Variants in RNF152 observed in about 807,000 individuals in gnomAD.
RNF152 encodes the protein ring finger protein 152, also known as E3 ubiquitin-protein ligase RNF152.
A neutral mutation model predicts 12.7 loss-of-function variants in RNF152; 11 were observed. That is an observed-to-expected ratio of 0.86 (90% CI 0.54 to 1.43). RNF152 has a LOEUF of 1.43. RNF152 is among the 40% of genes most tolerant of loss of function. The pLI is 0.00. For missense variants in RNF152, 255 were observed against 274.8 expected (o/e 0.93, Z 0.51); for synonymous variants, 113 against 120.3 (o/e 0.94, Z 0.40).
intron 1 of RNF152, among the ~76,000 whole-genome samples, chr18:61,864,659 C>T (rs533006048): frequency 1.8e-4 from 28 of 152,324 alleles, no homozygotes; most frequent in African/African-American, 6.7e-4. Flanking sequence ...ACCCTCTAAT[C>T]ACAGAGTTGG....
intron 1 of RNF152, among the ~76,000 whole-genome samples, chr18:61,859,202 C>A (rs1184144597): frequency 6.6e-6 from 1 of 152,172 alleles, no homozygotes; most frequent in East Asian, 1.9e-4. Flanking sequence ...TACTTCTGAC[C>A]AAACCAATTG....
At chr18:61,869,985 G>A (rs117374684) in intron 1 of RNF152, among the ~76,000 whole-genome samples, 335 of 152,334 alleles carry the variant, frequency 2.2e-3, no homozygotes, top group Non-Finnish European at 3.7e-3. Context: ...AGGCTTTTAC[G>A]TTGGGCTTGT....
At position 61,853,296 on chromosome 18, in the gene RNF152, CT is replaced by C. The variant is rs35190141; in HGVS notation, c.-135-36699del. 2.3e-3 allele frequency among the ~76,000 whole-genome samples: 297 copies of C among 127,490 alleles called. 1 individual carries two copies. The highest frequency in any genetic ancestry group is 3.5e-3 in the African/African-American group (120 of 34,666). 83.6% of individuals were successfully genotyped at this position (127,490 alleles called of 152,430 possible). A position where few individuals can be genotyped will look rare whatever the true frequency, so the allele number is the denominator to read the frequency against. Reference sequence around the variant, plus strand: ...TAACGGGAGAATCTGGTTCCTTGCCCTTTTTTTTTTTTTTTTTTTGGAGACA... The same window carrying C: ...TAACGGGAGAATCTGGTTCCTTGCCCTTTTTTTTTTTTTTTTTTGGAGACA... On this transcript the variant is annotated intron_variant, in intron 1 of 1. Coordinates refer to ENST00000312828, the MANE Select transcript of RNF152 (RefSeq NM_173557.3).
chr18:61,876,550 C>G (rs1375499677), intron 1 of RNF152, among the ~76,000 whole-genome samples: 2 of 152,178 alleles, frequency 1.3e-5, no homozygotes, highest in Non-Finnish European at 2.9e-5. Context: ...TCAGAGAAAG[C>G]ACATCTCCTT....
At chr18:61,832,570 A>C (rs1909998932) in intron 1 of RNF152, among the ~76,000 whole-genome samples, 1 of 152,200 alleles carries the variant, frequency 6.6e-6, no homozygotes, top group South Asian at 2.1e-4. Context: ...TTGTGAAAAA[A>C]ATTCTCAATA....
chr18:61,857,368 TGA>T (rs1911273003), intron 1 of RNF152, among the ~76,000 whole-genome samples: 1 of 152,228 alleles, frequency 6.6e-6, no homozygotes, highest in Non-Finnish European at 1.5e-5. Context: ...ATGGTGAAAC[TGA>T]AACAATTTTT....
intron 1 of RNF152, among the ~76,000 whole-genome samples, chr18:61,852,542 G>A (rs1018062619): frequency 1.3e-5 from 2 of 152,182 alleles, no homozygotes; most frequent in African/African-American, 4.8e-5. Flanking sequence ...AAACTCAAAA[G>A]AACATCTAGA....
At chr18:61,866,449 C>T (rs1169686026) in intron 1 of RNF152, among the ~76,000 whole-genome samples, 2 of 1,924 alleles carry the variant, frequency 1.0e-3, no homozygotes, top group Admixed American at 0.032. Context: ...TTCACATCCA[C>T]ACTCTCGCCC....
chr18:61,844,105 AG>A (rs1568275318), intron 1 of RNF152, among the ~76,000 whole-genome samples: 1 of 146,970 alleles, frequency 6.8e-6, no homozygotes, highest in Non-Finnish European at 1.5e-5. Context: ...AAAGAAAGAA[AG>A]AAAGAAAGAA....
At chr18:61,868,429 T>C (rs1457675681) in intron 1 of RNF152, among the ~76,000 whole-genome samples, 2 of 152,000 alleles carry the variant, frequency 1.3e-5, no homozygotes, top group African/African-American at 2.4e-5. Flanking sequence ...AGGTTTTAGG[T>C]CGGGTGCAGT....
intron 1 of RNF152, among the ~76,000 whole-genome samples, chr18:61,822,884 G>A (rs774070748): frequency 5.3e-5 from 8 of 152,162 alleles, no homozygotes; most frequent in Non-Finnish European, 1.0e-4. Context: ...TTCTGATACA[G>A]GCCATCTACT....
intron 1 of RNF152, among the ~76,000 whole-genome samples, chr18:61,837,542 G>A (rs774976787): frequency 6.6e-6 from 1 of 152,178 alleles, no homozygotes; most frequent in Non-Finnish European, 1.5e-5. Context: ...CCACATTTCT[G>A]TGTATTTTAC....
At chr18:61,877,021 T>C (rs971085555) in intron 1 of RNF152, among the ~76,000 whole-genome samples, 6 of 152,086 alleles carry the variant, frequency 3.9e-5, no homozygotes, top group African/African-American at 1.4e-4. Flanking sequence ...TGAAACTCAG[T>C]TGGGGTGGCT....
rs1912865069 is a variant in RNF152 at position 61,809,692 on chromosome 18, C to A, written c.*6160G>T. The stretch of plus-strand genomic sequence containing the variant: ...GCAGACTTCAAGAGGTCCCTCAGTA[C>A]TCTGCCCCAAATATTACTGATTGTC... On this transcript the variant is annotated 3_prime_UTR_variant, in exon 2 of 2. Coordinates refer to ENST00000312828, the MANE Select transcript of RNF152 (RefSeq NM_173557.3). 6.6e-6 allele frequency: 1 copy of A among 152,068 alleles called. No homozygotes were observed. The highest frequency in any genetic ancestry group is 6.5e-5 in the Admixed American group (1 of 15,272). 9.4% of individuals were successfully genotyped at this position (152,068 alleles called of 1,614,324 possible). A position where few individuals can be genotyped will look rare whatever the true frequency, so the allele number is the denominator to read the frequency against.
chr18:61,849,437 C>T (rs1204331961), intron 1 of RNF152, among the ~76,000 whole-genome samples: 1 of 152,152 alleles, frequency 6.6e-6, no homozygotes, highest in East Asian at 1.9e-4. Context: ...TGAGCAATTA[C>T]AACGAATAAC....
chr18:61,885,012 T>C (rs1912624229), intron 1 of RNF152, among the ~76,000 whole-genome samples: 1 of 152,096 alleles, frequency 6.6e-6, no homozygotes. Flanking sequence ...AGGAGTGGAG[T>C]GGATGGACTA....
chr18:61,857,033 A>C (rs987717603), intron 1 of RNF152, among the ~76,000 whole-genome samples: 14 of 152,208 alleles, frequency 9.2e-5, no homozygotes, highest in Non-Finnish European at 2.1e-4. Flanking sequence ...ACAAGGAGAA[A>C]CCAGCATTAT....
In RNF152 at chr18:61,809,493, T is replaced by TTTGGAAAAC. The variant is rs1568252763; in HGVS notation, c.*6350_*6358dup. ...TGTTGAATTAAAAATGGGCCATCCC[T>TTTGGAAAAC]TTGGAAAACTCCTGTTAGAATAACC... On this transcript the variant is annotated 3_prime_UTR_variant, in exon 2 of 2. Coordinates refer to ENST00000312828, the MANE Select transcript of RNF152 (RefSeq NM_173557.3). 1 of 152,196 alleles carries TTTGGAAAAC rather than the reference T, an allele frequency of 6.6e-6. No individual in the cohort carries two copies. Among genetic ancestry groups the TTTGGAAAAC allele is most frequent in the African/African-American group, 2.4e-5 (1 of 41,442 alleles). 9.4% of individuals were successfully genotyped at this position (152,196 alleles called of 1,614,324 possible). A position where few individuals can be genotyped will look rare whatever the true frequency, so the allele number is the denominator to read the frequency against.
chr18:61,891,019 G>C (rs112639447), intron 1 of RNF152, among the ~76,000 whole-genome samples: 6,670 of 152,214 alleles, frequency 0.044, 209 homozygotes, highest in Middle Eastern at 0.061. Context: ...ATTAGAATCA[G>C]GTCTTCCTAT....
Sources: gnomAD v4.1 joint callset for allele counts (sites outside exome capture counted in the v4.1 genomes callset) on GRCh38, gnomAD v4.1.1 for gene constraint, MANE v1.5 for transcripts, NCBI Gene and HGNC (gene_info 2026-07-23, HGNC 2026-07-21) for gene names.